The following CPNE4 variants were observed in gnomAD, a reference collection of about 807,000 sequenced individuals.
CPNE4 encodes the protein copine-4.
CPNE4 carries 25 observed loss-of-function variants against 67.9 expected under a neutral mutation model. The observed-to-expected ratio is 0.37, with a 90% confidence interval of 0.27 to 0.51. The LOEUF is 0.51. CPNE4 is among the 20% of genes least tolerant of loss of function. The probability of loss-of-function intolerance (pLI) is 0.93; values close to 1 mark genes in which losing one functional copy is unlikely to be tolerated. For missense variants in CPNE4, 464 were observed against 690.8 expected, an observed-to-expected ratio of 0.67 and a Z score of 3.68; for synonymous variants, 242 against 244.9, an observed-to-expected ratio of 0.99 and a Z score of 0.11.
chr3:131,914,400 C>T (rs1244074591), intron 1 of CPNE4, among the ~76,000 whole-genome samples: 2 of 152,118 alleles, frequency 1.3e-5, no homozygotes, highest in South Asian at 4.1e-4. Flanking sequence ...GTGGCTGTCC[C>T]TCCCCCTCTC....
intron 3 of CPNE4, among the ~76,000 whole-genome samples, chr3:131,706,165 G>A (rs766991454): frequency 6.6e-6 from 1 of 152,208 alleles, no homozygotes; most frequent in Non-Finnish European, 1.5e-5. Flanking sequence ...CAGTTCATAG[G>A]TCAGAAGATG....
chr3:131,820,713 A>G (rs77004451), intron 2 of CPNE4, among the ~76,000 whole-genome samples: 4,817 of 152,292 alleles, frequency 0.032, 182 homozygotes, highest in South Asian at 0.095. Flanking sequence ...TATTTTGTTA[A>G]GTTCTGATCC....
chr3:131,886,375 A>G (rs531070131), intron 2 of CPNE4, among the ~76,000 whole-genome samples: 1 of 152,372 alleles, frequency 6.6e-6, no homozygotes, highest in African/African-American at 2.4e-5. Flanking sequence ...GATGTACGGA[A>G]ACACCTGGAT....
chr3:131,977,674 A>G (rs1022185687), intron 1 of CPNE4, among the ~76,000 whole-genome samples: 1 of 152,070 alleles, frequency 6.6e-6, no homozygotes, highest in Non-Finnish European at 1.5e-5. Flanking sequence ...CTACATCATT[A>G]AAGATTTTTA....
chr3:131,924,463 C>G (rs539944775), intron 1 of CPNE4, among the ~76,000 whole-genome samples: 69 of 152,140 alleles, frequency 4.5e-4, no homozygotes, highest in Non-Finnish European at 8.2e-4. Flanking sequence ...AAAGAAAATA[C>G]TAAATTATCT....
chr3:131,616,065 G>A (rs561671851), intron 7 of CPNE4, among the ~76,000 whole-genome samples: 48 of 152,140 alleles, frequency 3.2e-4, no homozygotes, highest in Non-Finnish European at 6.2e-4. Context: ...GATGAAAGAC[G>A]AGAAATGGGT....
In CPNE4 at chr3:131,689,971, T is replaced by C. The variant is rs947520880; in HGVS notation, c.508-4013A>G. Among the ~76,000 whole-genome samples the C allele has an allele frequency of 1.1e-4, 16 of 152,242 alleles. 1 individual carries two copies. Among genetic ancestry groups the C allele is most frequent in the Admixed American group, 6.5e-4 (10 of 15,270 alleles). On this transcript the variant is annotated intron_variant, in intron 5 of 15. Coordinates refer to ENST00000429747, the MANE Select transcript of CPNE4 (RefSeq NM_130808.3). The stretch of plus-strand genomic sequence containing the variant: ...CTAGAAAAAATGAAATGCCTAGGAA[T>C]ACATCTAACCAAAGAGGTAAAAGAT...
rs748126986 is a variant in CPNE4, at chr3:131,958,609, C to CTTTTTTTTTTTTTTTTTTTT, written c.-1-53185_-1-53166dup. 2.0e-4 allele frequency among the ~76,000 whole-genome samples: 19 copies of CTTTTTTTTTTTTTTTTTTTT among 95,988 alleles called. 1 individual carries two copies. The highest frequency in any genetic ancestry group is 7.0e-4 in the African/African-American group (14 of 20,044). The allele number at this position is 95,988 out of a possible 152,430, so 63.0% of individuals were successfully genotyped here. A position where few individuals can be genotyped will look rare whatever the true frequency, so the allele number is the denominator to read the frequency against. On this transcript the variant is annotated intron_variant, in intron 1 of 15. Transcript: ENST00000429747. ...CAATTGATACACCTTTCTTTCTTTT[C>CTTTTTTTTTTTTTTTTTTTT]TTTTTTTTTTTTTTTTTTTTTTTTT...
chr3:132,028,447 C>T (rs1363101261), intron 1 of CPNE4, among the ~76,000 whole-genome samples: 1 of 152,112 alleles, frequency 6.6e-6, no homozygotes, highest in Non-Finnish European at 1.5e-5. Context: ...CAGCTTTTGA[C>T]ATAAATGCTG....
chr3:132,034,160 C>T (rs993213033), intron 1 of CPNE4, among the ~76,000 whole-genome samples: 11 of 152,150 alleles, frequency 7.2e-5, no homozygotes, highest in Admixed American at 1.3e-4. Context: ...AGCTTTCTCA[C>T]TGTCAGAGAG....
At chr3:132,023,739 G>A (rs908194007) in intron 1 of CPNE4, among the ~76,000 whole-genome samples, 2 of 151,914 alleles carry the variant, frequency 1.3e-5, no homozygotes, top group South Asian at 2.1e-4. Context: ...CGCCCTCCTC[G>A]GCCTCCCAAA....
At chr3:131,636,248 C>A (rs1469397866) in intron 7 of CPNE4, among the ~76,000 whole-genome samples, 1 of 152,072 alleles carries the variant, frequency 6.6e-6, no homozygotes, top group Admixed American at 6.6e-5. Flanking sequence ...AAGTTCTTAG[C>A]CCTGGTCACT....
At chr3:131,826,945 G>A (rs960269010) in intron 2 of CPNE4, among the ~76,000 whole-genome samples, 3 of 152,128 alleles carry the variant, frequency 2.0e-5, no homozygotes, top group African/African-American at 7.2e-5. Flanking sequence ...CCTGAGGTGA[G>A]AGGATCACTT....
intron 3 of CPNE4, among the ~76,000 whole-genome samples, chr3:131,717,856 CCCT>C (rs377411906): frequency 0.54 from 59,259 of 110,748 alleles, 19,597 homozygotes; most frequent in Non-Finnish European, 0.63. Flanking sequence ...CTTCCTCGCT[CCCT>C]CCTTTCTTTC....
chr3:131,989,240 C>A (rs1318070922), intron 1 of CPNE4, among the ~76,000 whole-genome samples: 3 of 152,126 alleles, frequency 2.0e-5, no homozygotes, highest in Non-Finnish European at 4.4e-5. Context: ...AGAAATAAAA[C>A]CTTTTGGTGG....
intron 2 of CPNE4, among the ~76,000 whole-genome samples, chr3:131,815,800 GCAAC>G (rs2084715276): frequency 6.6e-6 from 1 of 152,200 alleles, no homozygotes; most frequent in African/African-American, 2.4e-5. Flanking sequence ...CGATCAGGAG[GCAAC>G]CAGTGACCAC....
intron 2 of CPNE4, among the ~76,000 whole-genome samples, chr3:131,859,935 A>G (rs1043626284): frequency 6.6e-6 from 1 of 152,338 alleles, no homozygotes; most frequent in African/African-American, 2.4e-5. Context: ...AAAATAGAAA[A>G]TATCAGTGCA....
At chr3:131,714,323 T>G (rs1036175167) in intron 3 of CPNE4, among the ~76,000 whole-genome samples, 1 of 152,138 alleles carries the variant, frequency 6.6e-6, no homozygotes, top group African/African-American at 2.4e-5. Flanking sequence ...AATCCTAACA[T>G]TCACTTATGT....
chr3:131,731,842 T>C (rs1560200481), intron 2 of CPNE4, among the ~76,000 whole-genome samples: 1 of 152,166 alleles, frequency 6.6e-6, no homozygotes, highest in East Asian at 1.9e-4. Flanking sequence ...TGAAATCCTG[T>C]ATAATACACA....
Sources: gnomAD v4.1 joint callset for allele counts (sites outside exome capture counted in the v4.1 genomes callset) on GRCh38, gnomAD v4.1.1 for gene constraint, MANE v1.5 for transcripts, NCBI Gene and HGNC (gene_info 2026-07-23, HGNC 2026-07-21) for gene names.